The following DNAH12 variants were observed in gnomAD, a reference collection of about 807,000 sequenced individuals.
DNAH12 encodes the protein axonemal beta dynein heavy chain 12.
In DNAH12, 285 loss-of-function variants were observed where a neutral mutation model predicts 371.5. The ratio of observed to expected loss-of-function variants is 0.77; its 90% CI spans 0.70 to 0.85. The LOEUF (loss-of-function observed/expected upper bound fraction) is 0.85, where lower values mean the gene tolerates loss of function less well. Among genes scored for constraint, DNAH12 ranks in the 40% least tolerant of loss-of-function variants. DNAH12 has a pLI of 0.00. For missense variants in DNAH12, 3,611 were observed against 3,689.4 expected, an observed-to-expected ratio of 0.98 and a Z score of 0.55; for synonymous variants, 1,200 against 1,213.0, an observed-to-expected ratio of 0.99 and a Z score of 0.22.
chr3:57,532,520 A>AT (rs2068886588), intron 2 of DNAH12, among the ~76,000 whole-genome samples: 1 of 152,150 alleles, frequency 6.6e-6, no homozygotes, highest in Non-Finnish European at 1.5e-5. Flanking sequence ...GGGTGTTGTG[A>AT]TCTAAGCCAT....
the DNAH12 span, among the ~76,000 whole-genome samples, chr3:57,555,489 G>C: frequency 6.6e-6 from 1 of 152,140 alleles, no homozygotes; most frequent in Non-Finnish European, 1.5e-5. Flanking sequence ...AGTGAGCTAT[G>C]ATCAGGCCAC....
intron 69 of DNAH12, among the ~76,000 whole-genome samples, chr3:57,306,708 CTG>C (rs2061479363): frequency 6.6e-6 from 1 of 152,178 alleles, no homozygotes; most frequent in South Asian, 2.1e-4. Flanking sequence ...GGATTAAAGT[CTG>C]TTATCACTCG....
chr3:57,327,775 G>GC (rs2061986549), intron 62 of DNAH12, among the ~76,000 whole-genome samples: 1 of 110,234 alleles, frequency 9.1e-6, no homozygotes, highest in Non-Finnish European at 2.0e-5. Context: ...CCAGGAGCTG[G>GC]TTTTTTGAAA....
chr3:57,322,617 T>G (rs896959768), intron 64 of DNAH12, 134 bp from the exon 65 acceptor site: 1 of 1,098,516 alleles, frequency 9.1e-7, no homozygotes. Context: ...AGGTTAAGCA[T>G]CTGAGGCTTG....
At chr3:57,312,294 TAA>T (rs1029331275) in intron 66 of DNAH12, among the ~76,000 whole-genome samples, 8 of 152,040 alleles carry the variant, frequency 5.3e-5, no homozygotes, top group South Asian at 2.1e-4. Context: ...GCAAAAAGAG[TAA>T]AGTTTTTCCA....
At chr3:57,493,447 A>G (rs1358228051) in intron 11 of DNAH12, among the ~76,000 whole-genome samples, 1 of 152,186 alleles carries the variant, frequency 6.6e-6, no homozygotes, top group Non-Finnish European at 1.5e-5. Context: ...ATGAGACTTG[A>G]GCATCTGCAG....
chr3:57,419,268 C>T (rs9870842), intron 37 of DNAH12, 99 bp downstream of exon 37: 284,741 of 1,190,150 alleles, frequency 0.24, 40,798 homozygotes, highest in African/African-American at 0.64. Flanking sequence ...ATTTCAGTTA[C>T]CTGAAAAGGG....
At chr3:57,511,820 A>G (rs1281063309) in intron 4 of DNAH12, among the ~76,000 whole-genome samples, 1 of 152,204 alleles carries the variant, frequency 6.6e-6, no homozygotes, top group Non-Finnish European at 1.5e-5. Context: ...TCACTGGGAA[A>G]AATATGAAGG....
chr3:57,481,981 T>A (rs1380701287), intron 13 of DNAH12, among the ~76,000 whole-genome samples: 1 of 152,100 alleles, frequency 6.6e-6, no homozygotes, highest in Non-Finnish European at 1.5e-5. Flanking sequence ...GAAGAAAACC[T>A]AGGCAATACC....
chr3:57,367,890 G>C (rs1442995225), intron 56 of DNAH12, among the ~76,000 whole-genome samples, 156 bp downstream of exon 56: 1 of 152,192 alleles, frequency 6.6e-6, no homozygotes, highest in Non-Finnish European at 1.5e-5. Flanking sequence ...GTTCATTCCT[G>C]ATAGCTTGTT....
At chr3:57,439,260 G>A (rs1319904278) in intron 29 of DNAH12, among the ~76,000 whole-genome samples, 2 of 152,080 alleles carry the variant, frequency 1.3e-5, no homozygotes, top group African/African-American at 2.4e-5. Flanking sequence ...GCAATCCTAA[G>A]CAAAAAGAAC....
chr3:57,548,227 T>C (rs1575767788), upstream of DNAH12, among the ~76,000 whole-genome samples: 1 of 152,212 alleles, frequency 6.6e-6, no homozygotes, highest in Non-Finnish European at 1.5e-5. Flanking sequence ...AACATGTTCA[T>C]ATAAATGTAA....
chr3:57,368,786 T>C (rs1165401872), intron 55 of DNAH12, among the ~76,000 whole-genome samples: 19 of 152,188 alleles, frequency 1.2e-4, no homozygotes, highest in African/African-American at 4.6e-4. Flanking sequence ...AAAGACTGTG[T>C]TCAAGAACAT....
the DNAH12 span, among the ~76,000 whole-genome samples, chr3:57,551,509 G>A: frequency 6.6e-6 from 1 of 151,598 alleles, no homozygotes; most frequent in African/African-American, 2.4e-5. Context: ...CTGACCTCGT[G>A]ATCCGCCCGC....
rs547310465 is a variant in DNAH12 at position 57,415,543 on chromosome 3, T to C, written c.5736A>G (p.Pro1912=). Residue 1912 remains proline (P), a synonymous_variant, in exon 38 of 74, where the codon CCA becomes CCG. Transcript: ENST00000495027. ...TYAKPLLFVG[P]TGTGKSVYVK... ...CATACACAGATTTTCCTGTACCCGT[T>C]GGACCCACAAAAAGGAGTGGCCTTA... 4 of 1,542,198 alleles carry C rather than the reference T, an allele frequency of 2.6e-6. No homozygotes were observed. The highest frequency in any genetic ancestry group is 1.2e-5 in the South Asian group (1 of 81,356).
At position 57,326,364 on chromosome 3, in the gene DNAH12, G is replaced by T. The variant is rs539214107; in HGVS notation, c.9979-2745C>A. Among the ~76,000 whole-genome samples, 898 of 152,316 alleles carry T rather than the reference G, an allele frequency of 5.9e-3. 12 individuals are homozygous for T. The highest frequency in any genetic ancestry group is 0.021 in the African/African-American group (866 of 41,562). ...CATCAGACTAACAGCTGAGCTCTCG[G>T]CAGAAACTCTACAAGCCAGAAGAGA... On this transcript the variant is annotated intron_variant, in intron 62 of 73. Transcript: ENST00000495027.
chr3:57,307,320 C>T (rs2061493447), intron 69 of DNAH12, among the ~76,000 whole-genome samples: 1 of 152,184 alleles, frequency 6.6e-6, no homozygotes, highest in African/African-American at 2.4e-5. Flanking sequence ...TTTCCCCACT[C>T]CTCTTTCCAT....
At chr3:57,447,488 G>C (rs2153371141) in intron 25 of DNAH12, among the ~76,000 whole-genome samples, 1 of 152,214 alleles carries the variant, frequency 6.6e-6, no homozygotes, top group Non-Finnish European at 1.5e-5. Context: ...AGGGGGGTAG[G>C]GGGAATAAGT....
chr3:57,455,057 A>G (rs1464855108), intron 22 of DNAH12, among the ~76,000 whole-genome samples, 163 bp from the exon 23 acceptor site: 2 of 152,258 alleles, frequency 1.3e-5, no homozygotes, highest in South Asian at 4.1e-4. Flanking sequence ...AAATTTTATA[A>G]ATTATTATTA....
Sources: allele counts gnomAD v4.1 joint callset (sites outside exome capture counted in the v4.1 genomes callset), GRCh38; gene constraint gnomAD v4.1.1; transcripts MANE v1.5; gene names NCBI Gene and HGNC (gene_info 2026-07-23, HGNC 2026-07-21).